SOX6: variants seen among roughly 807,000 people sequenced by gnomAD.
The protein encoded by SOX6 is SRY-box transcription factor 6, also known as transcription factor SOX-6.
SOX6 carries 11 observed loss-of-function variants against 97.8 expected under a neutral mutation model. The ratio of observed to expected loss-of-function variants is 0.11; its 90% confidence interval spans 0.07 to 0.19. The LOEUF (loss-of-function observed/expected upper bound fraction) is 0.19. Among genes scored for constraint, SOX6 ranks in the 10% least tolerant of loss-of-function variants. The pLI is 1.00. For missense variants in SOX6, 810 were observed against 1,039.5 expected (o/e 0.78, Z 3.04); for synonymous variants, 360 against 371.4 (o/e 0.97, Z 0.35).
chr11:16,089,137 C>T (rs1407575075), intron 9 of SOX6, among the ~76,000 whole-genome samples: 2 of 152,106 alleles, frequency 1.3e-5, no homozygotes, highest in African/African-American at 4.8e-5. Flanking sequence ...TAAATCTTTG[C>T]TTCTCCAAAT....
intron 3 of SOX6, among the ~76,000 whole-genome samples, chr11:16,624,664 T>C (rs1196624174): frequency 1.3e-5 from 2 of 152,244 alleles, no homozygotes; most frequent in Non-Finnish European, 2.9e-5. Flanking sequence ...ATTTCTAGAT[T>C]TTAATTAGAT....
At chr11:16,465,900 C>G (rs1470093947) in intron 1 of SOX6, 2 of 152,150 alleles carry the variant, frequency 1.3e-5, no homozygotes, top group Non-Finnish European at 1.5e-5. Context: ...AGTAACATAA[C>G]AAGTTTTAAG....
intron 4 of SOX6, among the ~76,000 whole-genome samples, chr11:16,482,844 A>G (rs965428726): frequency 2.0e-5 from 3 of 152,164 alleles, no homozygotes; most frequent in African/African-American, 7.2e-5. Context: ...TTACTGTTTC[A>G]TCTACAATGC....
intron 14 of SOX6, 79 bp from the exon 15 acceptor site, chr11:15,986,499 C>T: frequency 2.2e-6 from 3 of 1,352,650 alleles, no homozygotes; most frequent in African/African-American, 1.4e-5. Context: ...TATACCTTCC[C>T]ATCACTTCAC....
intron 3 of SOX6, chr11:16,314,148 A>G (rs1415158503): frequency 2.0e-5 from 3 of 152,146 alleles, no homozygotes; most frequent in East Asian, 1.9e-4. Context: ...CAAACTCCTT[A>G]GGCAAGAGTC....
intron 1 of SOX6, among the ~76,000 whole-genome samples, chr11:16,347,732 C>T (rs1856807727): frequency 6.6e-6 from 1 of 152,030 alleles, no homozygotes; most frequent in Non-Finnish European, 1.5e-5. Flanking sequence ...TTCTCAGAGA[C>T]AAAGTGTAGG....
intron 3 of SOX6, among the ~76,000 whole-genome samples, chr11:16,705,540 T>C (rs1465166126): frequency 2.0e-5 from 3 of 152,118 alleles, no homozygotes; most frequent in African/African-American, 4.8e-5. Flanking sequence ...GGCGGGAGGA[T>C]GGCTTGAACC....
At chr11:16,460,242 T>C (rs1859895516) in intron 1 of SOX6, among the ~76,000 whole-genome samples, 1 of 152,032 alleles carries the variant, frequency 6.6e-6, no homozygotes, top group Non-Finnish European at 1.5e-5. Context: ...TTCAGAAATA[T>C]AAAATGAGTT....
At chr11:16,689,193 G>T (rs941855629) in intron 3 of SOX6, among the ~76,000 whole-genome samples, 12 of 152,150 alleles carry the variant, frequency 7.9e-5, no homozygotes, top group African/African-American at 2.9e-4. Context: ...CTACACAACT[G>T]AAGACCCATG....
intron 1 of SOX6, among the ~76,000 whole-genome samples, chr11:16,440,932 T>C (rs776897399): frequency 2.6e-5 from 4 of 152,098 alleles, no homozygotes; most frequent in Non-Finnish European, 5.9e-5. Flanking sequence ...TCATATTAAA[T>C]GAAAAATGAC....
intron 6 of SOX6, among the ~76,000 whole-genome samples, chr11:16,145,011 T>A (rs1431966011): frequency 6.6e-6 from 1 of 152,158 alleles, no homozygotes; most frequent in Non-Finnish European, 1.5e-5. Context: ...GAGGCCAGCA[T>A]CATCCTGATA....
At chr11:16,639,679 T>C (rs1398535420) in intron 3 of SOX6, among the ~76,000 whole-genome samples, 1 of 152,240 alleles carries the variant, frequency 6.6e-6, no homozygotes, top group Non-Finnish European at 1.5e-5. Flanking sequence ...TTGAAGCAAT[T>C]GTGAATGGGT....
chr11:16,355,019 CT>C (rs1857038383), intron 1 of SOX6, among the ~76,000 whole-genome samples: 5 of 152,026 alleles, frequency 3.3e-5, no homozygotes. Context: ...TCACAATTCA[CT>C]TTAGAAAATC....
At chr11:16,478,253 T>A (rs927599422), upstream of SOX6, among the ~76,000 whole-genome samples, 2 of 152,212 alleles carry the variant, frequency 1.3e-5, no homozygotes, top group African/African-American at 4.8e-5. Flanking sequence ...AACTACTTTT[T>A]TAAAAGCATT....
intron 2 of SOX6, among the ~76,000 whole-genome samples, chr11:16,319,656 T>C (rs1168761921): frequency 1.3e-5 from 2 of 152,038 alleles, no homozygotes; most frequent in African/African-American, 2.4e-5. Context: ...TCCATGTCCC[T>C]ACAAAGGACA....
At chr11:16,551,672 T>C (rs1847688273) in intron 4 of SOX6, among the ~76,000 whole-genome samples, 1 of 152,056 alleles carries the variant, frequency 6.6e-6, no homozygotes, top group Non-Finnish European at 1.5e-5. Flanking sequence ...GGTGCAACCT[T>C]GGCTCACTTC....
intron 3 of SOX6, among the ~76,000 whole-genome samples, chr11:16,658,525 G>A (rs1967192): frequency 0.16 from 24,896 of 151,980 alleles, 2,159 homozygotes; most frequent in Non-Finnish European, 0.18. Context: ...TGGCTAACAC[G>A]ATGAAACCCC....
intron 12 of SOX6, among the ~76,000 whole-genome samples, chr11:16,022,173 C>T (rs2133871779): frequency 6.6e-6 from 1 of 152,232 alleles, no homozygotes; most frequent in Non-Finnish European, 1.5e-5. Context: ...AACATATCCA[C>T]TTCTGTTAAA....
chr11:16,484,050 G>C (rs11023960), intron 4 of SOX6: 185,897 of 780,674 alleles, frequency 0.24, 26,611 homozygotes, highest in East Asian at 0.52. Context: ...AGAGCCGAGG[G>C]GGCTGTAGGC....
Sources: gnomAD v4.1 joint callset for allele counts (sites outside exome capture counted in the v4.1 genomes callset) on GRCh38, gnomAD v4.1.1 for gene constraint, MANE v1.5 for transcripts, NCBI Gene and HGNC (gene_info 2026-07-23, HGNC 2026-07-21) for gene names.